GNAQ: variants seen among roughly 807,000 people sequenced by gnomAD.
The protein encoded by GNAQ is G protein subunit alpha q.
Under a neutral mutation model 43.9 loss-of-function variants are expected in GNAQ, and 8 were observed. The ratio of observed to expected loss-of-function variants is 0.18; its 90% CI spans 0.11 to 0.33. The LOEUF (loss-of-function observed/expected upper bound fraction) is 0.33. GNAQ is among the 10% of genes least tolerant of loss of function. GNAQ has a pLI of 1.00. For missense variants in GNAQ, 158 were observed against 450.8 expected (o/e 0.35, Z 5.88); for synonymous variants, 155 against 170.7 (o/e 0.91, Z 0.71).
rs1564170418 is a variant in GNAQ at position 77,984,048 on chromosome 9, G to GAAAAA, written c.136+47051_136+47052insTTTTT. Among the ~76,000 whole-genome samples, 13 of 24,724 alleles carry GAAAAA rather than the reference G, an allele frequency of 5.3e-4. No homozygotes were observed. In the South Asian group the frequency reaches 0.014, roughly 27 times the overall value. The allele number at this position is 24,724 out of a possible 152,430, so 16.2% of individuals were successfully genotyped here. The stretch of plus-strand genomic sequence containing the variant: ...GCATATGCAAGTAGAATTTTGGAGA[G>GAAAAA]CAAAAAAAAAAAAAAAAAAAAAAAA... On this transcript the variant is annotated intron_variant, in intron 1 of 6. Coordinates refer to ENST00000286548, the MANE Select transcript of GNAQ (RefSeq NM_002072.5).
intron 5 of GNAQ, among the ~76,000 whole-genome samples, chr9:77,782,624 T>A (rs532949581): frequency 6.6e-6 from 1 of 152,200 alleles, no homozygotes; most frequent in Admixed American, 6.5e-5. Flanking sequence ...TCTTACCATA[T>A]AATCCAGCAA....
chr9:77,892,374 C>T (rs1002963250), intron 2 of GNAQ, among the ~76,000 whole-genome samples: 2 of 152,174 alleles, frequency 1.3e-5, no homozygotes, highest in Non-Finnish European at 2.9e-5. Flanking sequence ...ACAACCACTG[C>T]AACTGATTAT....
intron 5 of GNAQ, among the ~76,000 whole-genome samples, chr9:77,781,837 T>C (rs1370328158): frequency 1.3e-5 from 2 of 152,064 alleles, no homozygotes; most frequent in Admixed American, 1.3e-4. Flanking sequence ...AAAACTTGCA[T>C]GAAATTAGGA....
chr9:77,861,981 G>A (rs1199333483), intron 2 of GNAQ, among the ~76,000 whole-genome samples: 2 of 150,050 alleles, frequency 1.3e-5, no homozygotes, highest in Non-Finnish European at 3.0e-5. Context: ...CTCCAGCCTG[G>A]GGGACAGAGC....
chr9:77,891,870 C>A (rs1828410344), intron 2 of GNAQ, among the ~76,000 whole-genome samples: 1 of 152,156 alleles, frequency 6.6e-6, no homozygotes, highest in Admixed American at 6.5e-5. Context: ...AGACTCTAAG[C>A]AACTAATCCT....
At chr9:77,730,796 G>T (rs946440067) in intron 5 of GNAQ, among the ~76,000 whole-genome samples, 16 of 152,048 alleles carry the variant, frequency 1.1e-4, no homozygotes, top group African/African-American at 3.9e-4. Flanking sequence ...TTTAAGCCCT[G>T]GAAATAACAC....
At chr9:77,914,506 C>CA (rs565994653) in intron 2 of GNAQ, among the ~76,000 whole-genome samples, 1 of 151,828 alleles carries the variant, frequency 6.6e-6, no homozygotes, top group Non-Finnish European at 1.5e-5. Flanking sequence ...TTAAAAAATA[C>CA]AAAAAATTAG....
intron 2 of GNAQ, among the ~76,000 whole-genome samples, chr9:77,884,945 C>T (rs1272280255): frequency 1.3e-5 from 2 of 152,178 alleles, no homozygotes; most frequent in Non-Finnish European, 2.9e-5. Context: ...CGGAAATACA[C>T]CCATTTCTCA....
intron 5 of GNAQ, among the ~76,000 whole-genome samples, chr9:77,786,718 C>T (rs1006319085): frequency 5.3e-5 from 8 of 152,186 alleles, no homozygotes; most frequent in African/African-American, 1.9e-4. Context: ...GAGGAACTTT[C>T]AGACATTGCT....
chr9:77,868,989 G>C (rs774892655), intron 2 of GNAQ, among the ~76,000 whole-genome samples: 1 of 151,670 alleles, frequency 6.6e-6, no homozygotes, highest in Admixed American at 6.6e-5. Flanking sequence ...TCTGTCTTGC[G>C]GGGGAGGGGG....
In GNAQ at chr9:77,980,727, G is replaced by A. The variant is rs923355804; in HGVS notation, c.136+50373C>T. On this transcript the variant is annotated intron_variant, in intron 1 of 6. Transcript: ENST00000286548. ...CAGTTCAGGAAAAAAGAAAGGCTTT[G>A]TATGTGAATCACTTGATAGGCTAGA... is the stretch of plus-strand genomic sequence containing the variant. Among the ~76,000 whole-genome samples the A allele has an allele frequency of 5.9e-5, 9 of 152,046 alleles. No individual in the cohort carries two copies. The South Asian group carries it at 1.7e-3, about 28-fold the overall frequency.
chr9:77,913,290 A>G (rs963908153), intron 2 of GNAQ, among the ~76,000 whole-genome samples: 3 of 81,818 alleles, frequency 3.7e-5, no homozygotes, highest in East Asian at 2.7e-4. Flanking sequence ...ATAATAGGAT[A>G]TAATTATATA....
intron 2 of GNAQ, among the ~76,000 whole-genome samples, chr9:77,857,101 G>A (rs1827767507): frequency 6.6e-6 from 1 of 152,182 alleles, no homozygotes. Flanking sequence ...GAGAGGTTCA[G>A]CAAGACATGC....
intron 1 of GNAQ, among the ~76,000 whole-genome samples, chr9:77,948,409 C>T (rs1474911762): frequency 1.3e-5 from 2 of 152,150 alleles, no homozygotes; most frequent in Non-Finnish European, 2.9e-5. Flanking sequence ...TGGCCTTTTA[C>T]CCTTTTCCAG....
intron 2 of GNAQ, among the ~76,000 whole-genome samples, chr9:77,872,477 A>AT (rs1174135372): frequency 2.0e-5 from 3 of 152,232 alleles, no homozygotes; most frequent in Non-Finnish European, 4.4e-5. Flanking sequence ...CTAAATTATA[A>AT]TTAATATACA....
chr9:77,843,273 G>A (rs951718111), intron 2 of GNAQ, among the ~76,000 whole-genome samples: 2 of 152,158 alleles, frequency 1.3e-5, no homozygotes, highest in African/African-American at 4.8e-5. Flanking sequence ...ACAGGCAGAT[G>A]GGTGGAGCAT....
chr9:77,994,178 A>C (rs927339052), intron 1 of GNAQ, among the ~76,000 whole-genome samples: 1 of 152,090 alleles, frequency 6.6e-6, no homozygotes, highest in African/African-American at 2.4e-5. Context: ...CACCATGCCC[A>C]GCTAACTTTT....
chr9:77,936,092 A>G (rs1299412252), intron 1 of GNAQ, among the ~76,000 whole-genome samples: 1 of 152,218 alleles, frequency 6.6e-6, no homozygotes, highest in African/African-American at 2.4e-5. Context: ...ACATCGGTGC[A>G]TTTTATTAAT....
At chr9:77,735,663 C>G (rs1448786733) in intron 5 of GNAQ, among the ~76,000 whole-genome samples, 2 of 152,142 alleles carry the variant, frequency 1.3e-5, no homozygotes, top group Admixed American at 6.5e-5. Context: ...CATTCTGGGC[C>G]AAACTCCTGT....
Sources: allele counts gnomAD v4.1 joint callset (sites outside exome capture counted in the v4.1 genomes callset), GRCh38; gene constraint gnomAD v4.1.1; transcripts MANE v1.5; gene names NCBI Gene and HGNC (gene_info 2026-07-23, HGNC 2026-07-21).